Variants in NR1H4 observed in about 807,000 individuals in gnomAD.
NR1H4 encodes the protein nuclear receptor subfamily 1 group H member 4.
Under a neutral mutation model 58.5 loss-of-function variants are expected in NR1H4, and 23 were observed. The ratio of observed to expected loss-of-function variants is 0.39; its 90% CI spans 0.28 to 0.56. The LOEUF (loss-of-function observed/expected upper bound fraction) is 0.56. Among genes scored for constraint, NR1H4 ranks in the 20% least tolerant of loss-of-function variants. The pLI is 0.58. For synonymous variants in NR1H4, 214 were observed against 198.0 expected (o/e 1.08, Z -0.68); for missense variants, 487 against 576.9 (o/e 0.84, Z 1.60).
At chr12:100,488,711 A>G (rs1232766701) in intron 1 of NR1H4, among the ~76,000 whole-genome samples, 3 of 152,192 alleles carry the variant, frequency 2.0e-5, no homozygotes, top group Admixed American at 1.3e-4. Context: ...AACTTCATCT[A>G]TTTCTTAAAA....
At chr12:100,550,258 C>A (rs537031118) in intron 9 of NR1H4, among the ~76,000 whole-genome samples, 1 of 152,164 alleles carries the variant, frequency 6.6e-6, no homozygotes, top group South Asian at 2.1e-4. Context: ...TACTTACAAA[C>A]TAGGGGTTTA....
intron 1 of NR1H4, among the ~76,000 whole-genome samples, chr12:100,488,015 CTTTT>C (rs1353111497): frequency 6.6e-6 from 1 of 151,726 alleles, no homozygotes; most frequent in Non-Finnish European, 1.5e-5. Flanking sequence ...TCTTTCTTTT[CTTTT>C]TGAGATGGAA....
In NR1H4 at chr12:100,513,206, AGTGCCTG is replaced by A. The variant is rs1299751471; in HGVS notation, c.445+2066_445+2072del. Among the ~76,000 whole-genome samples the A allele has an allele frequency of 5.3e-5, 8 of 152,336 alleles. No individual in the cohort carries two copies. The South Asian group carries it at 1.7e-3, about 32-fold the overall frequency. The stretch of plus-strand genomic sequence containing the variant: ...TATTGCTACTCATAGCACCTAGCAC[AGTGCCTG>A]GTACATAGTAAATATGGAATGTCTT... On this transcript the variant is annotated intron_variant, in intron 4 of 10. Coordinates refer to ENST00000392986, the MANE Select transcript of NR1H4 (RefSeq NM_001206979.2).
intron 4 of NR1H4, among the ~76,000 whole-genome samples, chr12:100,519,696 C>T (rs1954363379): frequency 6.6e-6 from 1 of 152,116 alleles, no homozygotes; most frequent in Non-Finnish European, 1.5e-5. Flanking sequence ...CATAAGAATC[C>T]TCGTCTTCCA....
chr12:100,511,268 C>G (rs1954107969), intron 4 of NR1H4, 125 bp downstream of exon 4: 1 of 1,055,594 alleles, frequency 9.5e-7, no homozygotes, highest in Non-Finnish European at 1.5e-6. Context: ...GCGCCTACCT[C>G]CTCCTACATC....
chr12:100,538,109 T>C (rs1256503664), intron 8 of NR1H4, among the ~76,000 whole-genome samples: 5 of 152,294 alleles, frequency 3.3e-5, no homozygotes, highest in Middle Eastern at 3.4e-3. Context: ...GTGTCTGTGG[T>C]GGGCTCCTAG....
intron 9 of NR1H4, among the ~76,000 whole-genome samples, chr12:100,560,504 A>G (rs1955444860): frequency 6.6e-6 from 1 of 151,952 alleles, no homozygotes. Context: ...GAGCTGTAAC[A>G]CTCACCGCAA....
intron 9 of NR1H4, among the ~76,000 whole-genome samples, chr12:100,561,407 A>AAAAT (rs958016717): frequency 9.5e-5 from 14 of 147,814 alleles, no homozygotes; most frequent in South Asian, 2.1e-4. Context: ...CAAAAAAAAT[A>AAAAT]AAATAAATAA....
chr12:100,517,878 C>T (rs1954307113), intron 4 of NR1H4, among the ~76,000 whole-genome samples: 1 of 152,146 alleles, frequency 6.6e-6, no homozygotes, highest in African/African-American at 2.4e-5. Flanking sequence ...AAAACTATAG[C>T]TTATAATCTA....
chr12:100,539,887 G>C (rs1381282805), intron 8 of NR1H4, among the ~76,000 whole-genome samples: 1 of 152,170 alleles, frequency 6.6e-6, no homozygotes, highest in Non-Finnish European at 1.5e-5. Flanking sequence ...TGGAGCAGAG[G>C]CTTGATTGCA....
chr12:100,537,258 C>T (rs1954835278), intron 8 of NR1H4, among the ~76,000 whole-genome samples: 1 of 152,170 alleles, frequency 6.6e-6, no homozygotes, highest in South Asian at 2.1e-4. Context: ...AAAGGCAGGT[C>T]TGTTCTTTGT....
chr12:100,528,323 C>T (rs1049308086), intron 4 of NR1H4, among the ~76,000 whole-genome samples: 61 of 151,586 alleles, frequency 4.0e-4, no homozygotes, highest in African/African-American at 1.4e-3. Flanking sequence ...GCTGAGATCA[C>T]GCCACTGCAC....
chr12:100,513,834 AAGGAAG>A (rs1954192318), intron 4 of NR1H4, among the ~76,000 whole-genome samples: 2 of 141,014 alleles, frequency 1.4e-5, no homozygotes, highest in Non-Finnish European at 3.0e-5. Context: ...GGAAGGAAGG[AAGGAAG>A]GAAGGAAGGA....
chr12:100,545,663 A>C (rs1275097710), intron 9 of NR1H4, among the ~76,000 whole-genome samples: 4 of 147,790 alleles, frequency 2.7e-5, no homozygotes, highest in Non-Finnish European at 5.9e-5. Flanking sequence ...AAAAAAAAAA[A>C]AAAAAACCAA....
At position 100,563,899 on chromosome 12, in the gene NR1H4, CA is replaced by C. The variant is rs1955527760; in HGVS notation, c.*413del. The C allele has an allele frequency of 5.6e-6, 1 of 177,740 alleles. No individual in the cohort carries two copies. Among genetic ancestry groups the C allele is most frequent in the African/African-American group, 2.4e-5 (1 of 41,864 alleles). The allele number at this position is 177,740 out of a possible 1,614,324, so 11.0% of individuals were successfully genotyped here. Reference sequence around the variant, plus strand: ...TTGGGAACAAAATTTGATAAATATACAAACTCATTTCTTTAAATGTTGAAAG... The same window carrying C: ...TTGGGAACAAAATTTGATAAATATACAACTCATTTCTTTAAATGTTGAAAG... On this transcript the variant is annotated 3_prime_UTR_variant, in exon 11 of 11. Coordinates refer to ENST00000392986, the MANE Select transcript of NR1H4 (RefSeq NM_001206979.2).
At chr12:100,558,083 G>A (rs1384448803) in intron 9 of NR1H4, among the ~76,000 whole-genome samples, 5 of 151,854 alleles carry the variant, frequency 3.3e-5, no homozygotes, top group East Asian at 1.9e-4. Context: ...ATCTTGGCCC[G>A]GGCGTGGTGG....
intron 3 of NR1H4, among the ~76,000 whole-genome samples, chr12:100,496,596 A>G (rs1953719824): frequency 1.3e-5 from 2 of 152,158 alleles, no homozygotes; most frequent in Admixed American, 6.5e-5. Flanking sequence ...TCAGGCTGGG[A>G]ATTCTAGGAC....
intron 10 of NR1H4, among the ~76,000 whole-genome samples, 179 bp downstream of exon 10, chr12:100,562,177 A>T (rs916280575): frequency 5.3e-5 from 8 of 152,236 alleles, no homozygotes; most frequent in African/African-American, 9.6e-5. Context: ...CAGTCTTTTT[A>T]AAAAATATCA....
intron 9 of NR1H4, among the ~76,000 whole-genome samples, chr12:100,554,014 C>G (rs1049282776): frequency 2.0e-5 from 3 of 152,202 alleles, no homozygotes; most frequent in Non-Finnish European, 4.4e-5. Context: ...TGGGATTTGC[C>G]TCTACCATAG....
Sources: gnomAD v4.1 joint callset for allele counts (sites outside exome capture counted in the v4.1 genomes callset) on GRCh38, gnomAD v4.1.1 for gene constraint, MANE v1.5 for transcripts, NCBI Gene and HGNC (gene_info 2026-07-23, HGNC 2026-07-21) for gene names.